The following NDST3 variants were observed in gnomAD, a reference collection of about 807,000 sequenced individuals.
The protein encoded by NDST3 is N-deacetylase and N-sulfotransferase 3.
NDST3 carries 58 observed loss-of-function variants against 96.1 expected under a neutral mutation model. The observed-to-expected ratio is 0.60, with a 90% CI of 0.49 to 0.75. NDST3 has a LOEUF of 0.75. Among genes scored for constraint, NDST3 ranks in the 30% least tolerant of loss-of-function variants. The pLI is 0.00. For synonymous variants in NDST3, 333 were observed against 359.7 expected (o/e 0.93, Z 0.84); for missense variants, 788 against 1,034.2 (o/e 0.76, Z 3.27).
At position 118,148,047 on chromosome 4, in the gene NDST3, T is replaced by C. The variant is rs567644757; in HGVS notation, c.1539+4363T>C. Among the ~76,000 whole-genome samples, 100 of 152,266 alleles carry C rather than the reference T, an allele frequency of 6.6e-4. 1 individual carries two copies. The highest frequency in any genetic ancestry group is 2.3e-3 in the African/African-American group (95 of 41,548). ...GGCGCAGTGGCTCACGCCTGTAATG[T>C]CAGCACTTTGGGAGGCCAAGGTGGG... On this transcript the variant is annotated intron_variant, in intron 6 of 13. Coordinates refer to ENST00000296499, the MANE Select transcript of NDST3 (RefSeq NM_004784.3).
chr4:118,103,046 C>T (rs1359031561), intron 2 of NDST3, among the ~76,000 whole-genome samples: 2 of 152,022 alleles, frequency 1.3e-5, no homozygotes, highest in African/African-American at 4.8e-5. Context: ...TATTTAGCTT[C>T]TAAGGCCTAA....
At chr4:118,155,307 G>A (rs530487574) in intron 6 of NDST3, among the ~76,000 whole-genome samples, 1 of 152,306 alleles carries the variant, frequency 6.6e-6, no homozygotes, top group South Asian at 2.1e-4. Flanking sequence ...CAATCTGTGT[G>A]TAGTTTGCAC....
At chr4:118,114,105 G>A (rs527504445) in intron 3 of NDST3, among the ~76,000 whole-genome samples, 16 of 151,618 alleles carry the variant, frequency 1.1e-4, no homozygotes, top group South Asian at 4.2e-4. Context: ...AAAGAGTTTC[G>A]TGATGCAAAA....
chr4:118,059,588 A>T (rs1363100104), intron 2 of NDST3, among the ~76,000 whole-genome samples: 1 of 152,074 alleles, frequency 6.6e-6, no homozygotes, highest in African/African-American at 2.4e-5. Flanking sequence ...GGGAAGCTCT[A>T]ATTGGAATGT....
chr4:118,034,173 T>C (rs1724021995), upstream of NDST3, among the ~76,000 whole-genome samples: 3 of 152,212 alleles, frequency 2.0e-5, no homozygotes, highest in Non-Finnish European at 4.4e-5. Flanking sequence ...AAGTTTTTCA[T>C]GGTGTGGTTA....
At chr4:118,134,298 G>A (rs184257461) in intron 4 of NDST3, among the ~76,000 whole-genome samples, 74 of 152,324 alleles carry the variant, frequency 4.9e-4, no homozygotes, top group Admixed American at 9.2e-4. Context: ...CATATGCAGC[G>A]CTTGCGATCA....
chr4:118,094,751 G>C (rs1426333975), intron 2 of NDST3, among the ~76,000 whole-genome samples: 1 of 151,846 alleles, frequency 6.6e-6, no homozygotes, highest in Non-Finnish European at 1.5e-5. Flanking sequence ...ATTTAGCATT[G>C]TAGAGGCAGA....
chr4:118,213,257 T>C (rs1477159372), intron 6 of NDST3, among the ~76,000 whole-genome samples: 2 of 152,326 alleles, frequency 1.3e-5, no homozygotes, highest in Admixed American at 1.3e-4. Context: ...TCTTCCTTTA[T>C]GATTTGTTCT....
At chr4:118,241,174 G>C (rs1318969925) in intron 11 of NDST3, among the ~76,000 whole-genome samples, 1 of 151,830 alleles carries the variant, frequency 6.6e-6, no homozygotes, top group Non-Finnish European at 1.5e-5. Context: ...AGACACATCA[G>C]ACATGGTATA....
chr4:118,195,657 T>C (rs1737630838), intron 6 of NDST3, among the ~76,000 whole-genome samples: 1 of 152,266 alleles, frequency 6.6e-6, no homozygotes, highest in Non-Finnish European at 1.5e-5. Context: ...TTTCACACTG[T>C]TCACTATTAG....
intron 5 of NDST3, among the ~76,000 whole-genome samples, chr4:118,139,260 CA>C (rs1350282756): frequency 2.6e-5 from 4 of 152,142 alleles, no homozygotes; most frequent in Non-Finnish European, 5.9e-5. Context: ...GAATTCTGAC[CA>C]GAGGGAGTTT....
rs894198908 is a variant in NDST3, at chr4:118,227,043, T to A, written c.1819+61T>A. 6 of 1,102,464 alleles carry A rather than the reference T, an allele frequency of 5.4e-6. No homozygotes were observed. In the African/African-American group the frequency reaches 9.5e-5, roughly 17 times the overall value. The allele number at this position is 1,102,464 out of a possible 1,614,324, so 68.3% of individuals were successfully genotyped here. A position where few individuals can be genotyped will look rare whatever the true frequency, so the allele number is the denominator to read the frequency against. On this transcript the variant is annotated intron_variant, in intron 8 of 13. Coordinates refer to ENST00000296499, the MANE Select transcript of NDST3 (RefSeq NM_004784.3). ...ATTTTCTGATGACTAGACAATGAGA[T>A]CTTGTCACAATAAGTTCGTAAACTT...
chr4:118,037,789 T>C (rs779755117), intron 1 of NDST3, among the ~76,000 whole-genome samples: 5 of 152,222 alleles, frequency 3.3e-5, no homozygotes, highest in Admixed American at 3.3e-4. Context: ...TGCTGTTAGG[T>C]TGAGTCTCAC....
intron 1 of NDST3, among the ~76,000 whole-genome samples, chr4:118,045,748 C>A (rs926231457): frequency 3.9e-5 from 6 of 152,098 alleles, no homozygotes; most frequent in Non-Finnish European, 1.5e-5. Context: ...AAGTAAGAAG[C>A]AGATGTGCGA....
At chr4:118,122,823 G>A (rs895005431) in intron 4 of NDST3, among the ~76,000 whole-genome samples, 2 of 152,088 alleles carry the variant, frequency 1.3e-5, no homozygotes, top group African/African-American at 4.8e-5. Flanking sequence ...TACATCCTCG[G>A]TTAATTCTCC....
intron 2 of NDST3, among the ~76,000 whole-genome samples, chr4:118,097,400 T>C (rs934175112): frequency 2.6e-5 from 4 of 151,908 alleles, no homozygotes; most frequent in African/African-American, 9.7e-5. Context: ...ACACTAAAGA[T>C]TTCATACTCA....
chr4:118,114,401 G>A (rs1309784457), intron 3 of NDST3, among the ~76,000 whole-genome samples: 1 of 152,170 alleles, frequency 6.6e-6, no homozygotes, highest in Admixed American at 6.5e-5. Context: ...CACAGCCCAT[G>A]TCACAATGAC....
At chr4:118,168,877 G>C (rs1055439621) in intron 6 of NDST3, among the ~76,000 whole-genome samples, 3 of 152,148 alleles carry the variant, frequency 2.0e-5, no homozygotes, top group African/African-American at 7.2e-5. Context: ...AGTCACAGAA[G>C]AACAAATACT....
At chr4:118,202,168 G>A (rs952141506) in intron 6 of NDST3, among the ~76,000 whole-genome samples, 3 of 152,114 alleles carry the variant, frequency 2.0e-5, no homozygotes, top group African/African-American at 7.2e-5. Context: ...CCAGTACTAA[G>A]TTGTTTTGGT....
Sources: gnomAD v4.1 joint callset for allele counts (sites outside exome capture counted in the v4.1 genomes callset) on GRCh38, gnomAD v4.1.1 for gene constraint, MANE v1.5 for transcripts, NCBI Gene and HGNC (gene_info 2026-07-23, HGNC 2026-07-21) for gene names.